CPNE3: variants seen among roughly 807,000 people sequenced by gnomAD.
The protein encoded by CPNE3 is copine-3.
A neutral mutation model predicts 63.9 loss-of-function variants in CPNE3; 68 were observed. The observed-to-expected ratio is 1.06, with a 90% CI of 0.87 to 1.30. The LOEUF (loss-of-function observed/expected upper bound fraction) is 1.30. CPNE3 is among the 50% of genes most tolerant of loss of function. CPNE3 has a pLI of 0.00. For missense variants in CPNE3, 665 were observed against 578.1 expected (o/e 1.15, Z -1.54); for synonymous variants, 219 against 197.5 (o/e 1.11, Z -0.91).
At position 86,556,084 on chromosome 8, in the gene CPNE3, G is replaced by GTCTTC. The variant is rs767636233; in HGVS notation, c.1255-17_1255-16insCTTCT. 1 of 871,378 alleles carries GTCTTC rather than the reference G, an allele frequency of 1.1e-6. No individual in the cohort carries two copies. Among genetic ancestry groups the GTCTTC allele is most frequent in the South Asian group, 1.3e-5 (1 of 76,428 alleles). The allele number at this position is 871,378 out of a possible 1,614,324, so 54.0% of individuals were successfully genotyped here. A position where few individuals can be genotyped will look rare whatever the true frequency, so the allele number is the denominator to read the frequency against. Reference sequence around the variant, plus strand: ...ATTGCTTGACTTGCTCAGGGGACATGTTTTCTTTTTCTGGCAGCAATATTT... The same window carrying GTCTTC: ...ATTGCTTGACTTGCTCAGGGGACATGTCTTCTTTTCTTTTTCTGGCAGCAATATTT... On this transcript the variant is annotated splice_polypyrimidine_tract_variant and intron_variant, in intron 15 of 16. Coordinates refer to ENST00000517490, the MANE Select transcript of CPNE3 (RefSeq NM_003909.5).
chr8:86,527,251 A>G (rs1036083915), intron 2 of CPNE3, among the ~76,000 whole-genome samples: 1 of 152,136 alleles, frequency 6.6e-6, no homozygotes, highest in Non-Finnish European at 1.5e-5. Flanking sequence ...CCCTAGCACC[A>G]TCAACCTCCA....
At chr8:86,521,940 A>G (rs1820442583) in intron 2 of CPNE3, among the ~76,000 whole-genome samples, 1 of 152,060 alleles carries the variant, frequency 6.6e-6, no homozygotes, top group South Asian at 2.1e-4. Flanking sequence ...GGTTCAGAAG[A>G]TAATATATTA....
chr8:86,517,695 C>T (rs2131415794), intron 2 of CPNE3, among the ~76,000 whole-genome samples: 1 of 152,318 alleles, frequency 6.6e-6, no homozygotes, highest in South Asian at 2.1e-4. Context: ...GTAGCACTTA[C>T]TGCCACCTAA....
chr8:86,537,835 A>G (rs1820834713), intron 7 of CPNE3, among the ~76,000 whole-genome samples, 189 bp downstream of exon 7: 1 of 152,030 alleles, frequency 6.6e-6, no homozygotes, highest in Non-Finnish European at 1.5e-5. Flanking sequence ...TATGATTTTT[A>G]TTTTGAAAAA....
intron 7 of CPNE3, 68 bp downstream of exon 7, chr8:86,537,714 A>T: frequency 1.1e-6 from 1 of 918,220 alleles, no homozygotes; most frequent in Non-Finnish European, 1.8e-6. Flanking sequence ...GAATTTTAAA[A>T]AGCTTATATT....
rs770588454 is a variant in CPNE3, at chr8:86,551,241, TAAA to T, written c.1120+11_1120+13del. 2 of 1,563,220 alleles carry T rather than the reference TAAA, an allele frequency of 1.3e-6. No homozygotes were observed. The highest frequency in any genetic ancestry group is 3.3e-5 in the Admixed American group (2 of 59,886). On this transcript the variant is annotated splice_region_variant and intron_variant, in intron 14 of 16. Coordinates refer to ENST00000517490, the MANE Select transcript of CPNE3 (RefSeq NM_003909.5). Reference sequence around the variant, plus strand: ...TCCAATCCCTACTGCAATGGTAAGTTAAAAAATAAACATGAAGACTTCAAATGG... The same window carrying T: ...TCCAATCCCTACTGCAATGGTAAGTTAAATAAACATGAAGACTTCAAATGG...
Position 86,548,419 on chromosome 8 carries a change from T to C in CPNE3, c.998T>C (p.Ile333Thr), listed in dbSNP as rs200604331. Residue 333 changes from isoleucine (I) to threonine (T), a missense_variant, in exon 12 of 17, where the codon ATT becomes ACT. Coordinates refer to ENST00000517490, the MANE Select transcript of CPNE3 (RefSeq NM_003909.5). ...LTALWSVGLV[I>T]QDYDADKMFP... ...GCTCTCTGGTCTGTGGGACTGGTCA[T>C]TCAAGATTATGATGCGTGAGTATGA... 1.2e-6 allele frequency: 2 copies of C among 1,614,146 alleles called. No individual in the cohort carries two copies. The highest frequency in any genetic ancestry group is 8.5e-7 in the Non-Finnish European group (1 of 1,180,016).
intron 9 of CPNE3, among the ~76,000 whole-genome samples, chr8:86,546,103 A>G (rs1205537889): frequency 2.0e-5 from 3 of 152,140 alleles, no homozygotes; most frequent in Non-Finnish European, 2.9e-5. Flanking sequence ...CAGTGGAAAG[A>G]GAAGATCTTT....
At chr8:86,517,715 T>C (rs1820345462) in intron 2 of CPNE3, among the ~76,000 whole-genome samples, 1 of 152,222 alleles carries the variant, frequency 6.6e-6, no homozygotes, top group Admixed American at 6.5e-5. Flanking sequence ...ATATACTATA[T>C]ATGTTACTTA....
At chr8:86,523,064 C>T (rs1820469625) in intron 2 of CPNE3, among the ~76,000 whole-genome samples, 1 of 152,128 alleles carries the variant, frequency 6.6e-6, no homozygotes, top group Non-Finnish European at 1.5e-5. Context: ...AATAACAAGC[C>T]ATCTATGCTG....
At chr8:86,530,690 ATT>A (rs34745647) in intron 4 of CPNE3, among the ~76,000 whole-genome samples, 63,622 of 135,234 alleles carry the variant, frequency 0.47, 14,305 homozygotes, top group African/African-American at 0.57. Context: ...AAATATTTAG[ATT>A]TTTTTTTTTT....
At chr8:86,552,670 G>C (rs1821207645) in intron 14 of CPNE3, among the ~76,000 whole-genome samples, 1 of 151,340 alleles carries the variant, frequency 6.6e-6, no homozygotes, top group African/African-American at 2.4e-5. Context: ...AGGCAAGGAA[G>C]TTTAATCCCC....
At chr8:86,528,907 A>G in intron 3 of CPNE3, 38 bp from the exon 4 acceptor site, 1 of 1,562,532 alleles carries the variant, frequency 6.4e-7, no homozygotes, top group Non-Finnish European at 8.7e-7. Context: ...TGCACCTTTG[A>G]TCTGAAGAAA....
chr8:86,531,167 A>G lies in CPNE3; in HGVS notation c.325A>G (p.Lys109Glu). Residue 109 changes from lysine to glutamate, a missense_variant, in exon 5 of 17, where the codon AAG becomes GAG. Coordinates refer to ENST00000517490, the MANE Select transcript of CPNE3 (RefSeq NM_003909.5). Reference sequence around the variant, plus strand: ...CTAATTCTAACAGATTGTTTCCAGCAAGAAGCTAACTCGACCACTGGTGAT... The same window carrying G: ...CTAATTCTAACAGATTGTTTCCAGCGAGAAGCTAACTCGACCACTGGTGAT... ...ECTLGQIVSS[K>E]KLTRPLVMKT... is the part of the protein sequence containing the mutation. 1 of 1,239,640 alleles carries G rather than the reference A, an allele frequency of 8.1e-7. No homozygotes were observed. Among genetic ancestry groups the G allele is most frequent in the South Asian group, 1.2e-5 (1 of 83,758 alleles). The allele number at this position is 1,239,640 out of a possible 1,614,324, so 76.8% of individuals were successfully genotyped here. A position where few individuals can be genotyped will look rare whatever the true frequency, so the allele number is the denominator to read the frequency against.
At chr8:86,553,690 G>A (rs1821243262) in intron 14 of CPNE3, among the ~76,000 whole-genome samples, 2 of 149,322 alleles carry the variant, frequency 1.3e-5, no homozygotes, top group Admixed American at 1.3e-4. Flanking sequence ...TCTCCTTTTT[G>A]TTGATCTGTG....
intron 7 of CPNE3, 88 bp from the exon 8 acceptor site, chr8:86,540,157 A>C (rs1791077795): frequency 1.3e-6 from 1 of 779,216 alleles, no homozygotes; most frequent in African/African-American, 1.7e-5. Context: ...GAATGGTGAG[A>C]GTATAGCAAG....
Position 86,554,914 on chromosome 8 carries a change from C to T in CPNE3, c.1184C>T (p.Thr395Ile). 1 of 1,614,184 alleles carries T rather than the reference C, an allele frequency of 6.2e-7. No individual in the cohort carries two copies. The highest frequency in any genetic ancestry group is 8.5e-7 in the Non-Finnish European group (1 of 1,180,042). Residue 395 changes from threonine (T) to isoleucine (I), a missense_variant, in exon 15 of 17, where the codon ACT becomes ATT. Thr to Ile is a moderately conservative substitution (Grantham distance 89). Coordinates refer to ENST00000517490, the MANE Select transcript of CPNE3 (RefSeq NM_003909.5). ...CCTCAGATAAAACTCTATGGACCAA[C>T]TAATTTTTCTCCAATCATAAATCAC... ...CLPQIKLYGP[T>I]NFSPIINHVA...
chr8:86,548,562 G>T, intron 12 of CPNE3, 128 bp downstream of exon 12: 3 of 1,144,482 alleles, frequency 2.6e-6, no homozygotes, highest in Non-Finnish European at 3.7e-6. Flanking sequence ...AAATCCCCCC[G>T]TCTTATCTTC....
Position 86,547,716 on chromosome 8 carries a change from A to G in CPNE3, c.825A>G (p.Thr275=), listed in dbSNP as rs560254224. 4 of 1,244,572 alleles carry G rather than the reference A, an allele frequency of 3.2e-6. No individual in the cohort carries two copies. Among genetic ancestry groups the G allele is most frequent in the African/African-American group, 1.5e-5 (1 of 68,070 alleles). 77.1% of individuals were successfully genotyped at this position (1,244,572 alleles called of 1,614,324 possible). ...AAGTTTTCTCTTATTTTTAGATTACAGTAGAATGCACATTCCTTGACTATA... is the reference window on the plus strand; with the variant it reads ...AAGTTTTCTCTTATTTTTAGATTACGGTAGAATGCACATTCCTTGACTATA... ...GVISVKQCEI[T]VECTFLDYIM... The change falls in exon 11 of 17, where the codon ACA becomes ACG. Residue 275 remains threonine (T), a synonymous_variant. Coordinates refer to ENST00000517490, the MANE Select transcript of CPNE3 (RefSeq NM_003909.5).
Sources: allele counts gnomAD v4.1 joint callset (sites outside exome capture counted in the v4.1 genomes callset), GRCh38; gene constraint gnomAD v4.1.1; transcripts MANE v1.5; gene names NCBI Gene and HGNC (gene_info 2026-07-23, HGNC 2026-07-21).